Variants in TTC39C observed in about 807,000 individuals in gnomAD.
TTC39C encodes the protein tetratricopeptide repeat domain 39C.
A neutral mutation model predicts 76.3 loss-of-function variants in TTC39C; 33 were observed. That is an observed-to-expected ratio of 0.43 (90% CI 0.33 to 0.58). The LOEUF is 0.58. Ranked by LOEUF, TTC39C falls within the 20% of genes least tolerant of loss-of-function variation. The pLI, the probability that TTC39C is intolerant of heterozygous loss-of-function variation, is 0.04. For synonymous variants in TTC39C, 254 were observed against 260.6 expected, an observed-to-expected ratio of 0.97 and a Z score of 0.24; for missense variants, 595 against 701.4, an observed-to-expected ratio of 0.85 and a Z score of 1.71.
At chr18:24,073,655 A>G (rs554912887) in intron 4 of TTC39C, among the ~76,000 whole-genome samples, 1 of 152,176 alleles carries the variant, frequency 6.6e-6, no homozygotes, top group Non-Finnish European at 1.5e-5. Context: ...AGCTGGGACT[A>G]CAGGCATGTA....
intron 6 of TTC39C, among the ~76,000 whole-genome samples, chr18:24,100,771 G>A (rs9966620): frequency 0.21 from 31,581 of 152,172 alleles, 4,175 homozygotes; most frequent in African/African-American, 0.37. Context: ...AGAGGTGGGA[G>A]ACCTCAAGCC....
intron 1 of TTC39C, among the ~76,000 whole-genome samples, chr18:24,050,022 T>G (rs980350579): frequency 6.6e-6 from 1 of 152,284 alleles, no homozygotes; most frequent in East Asian, 1.9e-4. Context: ...TTCATTTGGC[T>G]TTCTCTCTCT....
chr18:24,045,378 C>T lies in TTC39C; in HGVS notation c.168-18762C>T, dbSNP rs181236739. Among the ~76,000 whole-genome samples, 147 of 151,856 alleles carry T rather than the reference C, an allele frequency of 9.7e-4. 1 individual carries two copies. Among genetic ancestry groups the T allele is most frequent in the Admixed American group, 1.6e-3 (25 of 15,248 alleles). ...TTTGTGTGCACAGCAAAGTATAAGG[C>T]GCTCTGCTTTGACACACTGCCTTCC... On this transcript the variant is annotated intron_variant, in intron 1 of 13. Transcript: ENST00000317571.
intron 8 of TTC39C, among the ~76,000 whole-genome samples, chr18:24,120,625 A>G (rs1434541986): frequency 6.6e-6 from 1 of 152,128 alleles, no homozygotes; most frequent in Non-Finnish European, 1.5e-5. Flanking sequence ...TTGTTTTGCA[A>G]ACATCACCAG....
At chr18:24,059,464 T>C (rs1003625316) in intron 1 of TTC39C, among the ~76,000 whole-genome samples, 1 of 152,078 alleles carries the variant, frequency 6.6e-6, no homozygotes, top group Non-Finnish European at 1.5e-5. Context: ...GAACATTCGG[T>C]GTTTGGTTTT....
At chr18:24,030,045 G>T (rs1027353037) in intron 1 of TTC39C, among the ~76,000 whole-genome samples, 1 of 152,128 alleles carries the variant, frequency 6.6e-6, no homozygotes, top group African/African-American at 2.4e-5. Flanking sequence ...GCATCAAATG[G>T]TAGATCTACT....
intron 11 of TTC39C, among the ~76,000 whole-genome samples, chr18:24,129,411 G>T (rs939530662): frequency 6.6e-6 from 1 of 152,028 alleles, no homozygotes; most frequent in East Asian, 1.9e-4. Context: ...CGAGAGAGTT[G>T]TTTTTTTGTT....
At chr18:24,053,279 C>G (rs1245981912) in intron 1 of TTC39C, among the ~76,000 whole-genome samples, 2 of 147,532 alleles carry the variant, frequency 1.4e-5, no homozygotes, top group African/African-American at 5.0e-5. Flanking sequence ...TCCCATTTAT[C>G]ACTTCCAAGA....
intron 10 of TTC39C, 80 bp downstream of exon 10, chr18:24,125,630 G>A (rs566827199): frequency 7.8e-5 from 122 of 1,558,084 alleles, no homozygotes; most frequent in Middle Eastern, 7.0e-4. Flanking sequence ...TCAGTTTCCC[G>A]TTTATTTCAT....
rs1183894000 is a variant in TTC39C, at chr18:24,075,659, G to A, written c.461-4926G>A. 2.2e-5 allele frequency among the ~76,000 whole-genome samples: 3 copies of A among 133,808 alleles called. No individual in the cohort carries two copies. In the East Asian group the frequency reaches 7.1e-4, roughly 32 times the overall value. The allele number at this position is 133,808 out of a possible 152,430, so 87.8% of individuals were successfully genotyped here. On this transcript the variant is annotated intron_variant, in intron 4 of 13. Transcript: ENST00000317571. Reference sequence around the variant, plus strand: ...AGATAGTGCCACTGCACTGCAGCCTGAGCAATCCAAGTGAGACCTTGTCTC... The same window carrying A: ...AGATAGTGCCACTGCACTGCAGCCTAAGCAATCCAAGTGAGACCTTGTCTC...
intron 1 of TTC39C, among the ~76,000 whole-genome samples, chr18:24,002,721 G>A (rs988925504): frequency 1.3e-5 from 2 of 152,166 alleles, no homozygotes; most frequent in Non-Finnish European, 2.9e-5. Context: ...AAACCAAACT[G>A]TAGAAAAAAG....
chr18:24,102,891 G>C (rs1343210582), intron 6 of TTC39C, among the ~76,000 whole-genome samples: 1 of 152,202 alleles, frequency 6.6e-6, no homozygotes, highest in Non-Finnish European at 1.5e-5. Context: ...AGGACTGCTT[G>C]AACCCAGGAG....
chr18:24,090,999 G>A (rs984892276), intron 6 of TTC39C, among the ~76,000 whole-genome samples: 1 of 151,950 alleles, frequency 6.6e-6, no homozygotes, highest in African/African-American at 2.4e-5. Context: ...CGGAGATGGG[G>A]TTTCACCACG....
chr18:24,090,442 A>G (rs2084502453), intron 6 of TTC39C, among the ~76,000 whole-genome samples: 1 of 152,240 alleles, frequency 6.6e-6, no homozygotes, highest in Non-Finnish European at 1.5e-5. Context: ...AAAGCAGTTT[A>G]ACATTTTTAA....
At chr18:24,019,911 A>G (rs759295248) in intron 1 of TTC39C, 9 of 1,524,132 alleles carry the variant, frequency 5.9e-6, no homozygotes, top group South Asian at 2.5e-5. Context: ...GAGAAACTCA[A>G]AGGCGCTTGT....
intron 1 of TTC39C, among the ~76,000 whole-genome samples, chr18:24,006,948 G>C (rs1016497627): frequency 6.6e-6 from 1 of 152,210 alleles, no homozygotes; most frequent in African/African-American, 2.4e-5. Context: ...TGCTGACACA[G>C]TCGGAGCACC....
At chr18:24,024,303 G>T (rs771331042) in intron 1 of TTC39C, among the ~76,000 whole-genome samples, 8 of 151,384 alleles carry the variant, frequency 5.3e-5, no homozygotes, top group Non-Finnish European at 1.2e-4. Context: ...GAGCCACCGC[G>T]CCTGGCCTAC....
At chr18:24,030,529 GACAA>G (rs1185353984) in intron 1 of TTC39C, among the ~76,000 whole-genome samples, 1 of 152,030 alleles carries the variant, frequency 6.6e-6, no homozygotes, top group Non-Finnish European at 1.5e-5. Flanking sequence ...TGCCTGCACA[GACAA>G]ACAGTGACAG....
At chr18:24,042,211 A>G (rs1160593692) in intron 1 of TTC39C, among the ~76,000 whole-genome samples, 1 of 152,020 alleles carries the variant, frequency 6.6e-6, no homozygotes, top group African/African-American at 2.4e-5. Flanking sequence ...GGTGGGTTCT[A>G]TTTTCTTAGG....
Sources: gnomAD v4.1 joint callset for allele counts (sites outside exome capture counted in the v4.1 genomes callset) on GRCh38, gnomAD v4.1.1 for gene constraint, MANE v1.5 for transcripts, NCBI Gene and HGNC (gene_info 2026-07-23, HGNC 2026-07-21) for gene names.